Variants in MGAT4C observed in about 807,000 individuals in gnomAD.
MGAT4C encodes alpha-1,3-mannosyl-glycoprotein 4-beta-N-acetylglucosaminyltransferase C.
A neutral mutation model predicts 40.1 loss-of-function variants in MGAT4C; 19 were observed. That is an observed-to-expected ratio of 0.47 (90% confidence interval 0.33 to 0.70). MGAT4C has a LOEUF of 0.70. Among genes scored for constraint, MGAT4C ranks in the 30% least tolerant of loss-of-function variants. The pLI is 0.02. For synonymous variants in MGAT4C, 181 were observed against 187.1 expected (o/e 0.97, Z 0.27); for missense variants, 491 against 563.2 (o/e 0.87, Z 1.30).
In MGAT4C at chr12:85,991,942, T is replaced by G. The variant is rs114181027; in HGVS notation, c.-6-2390A>C. On this transcript the variant is annotated intron_variant, in intron 2 of 4. Transcript: ENST00000611864. ...CCTGATGACAATATGGCAGGGGTGG[T>G]GACCAGCGAGCCATCTTCAGAAGTG... Among the ~76,000 whole-genome samples the G allele has an allele frequency of 5.0e-3, 765 of 152,258 alleles. 8 individuals carry two copies. Among genetic ancestry groups the G allele is most frequent in the African/African-American group, 0.017 (726 of 41,558 alleles).
chr12:86,005,801 A>C (rs1167741382), intron 2 of MGAT4C, among the ~76,000 whole-genome samples: 1 of 152,196 alleles, frequency 6.6e-6, no homozygotes, highest in Admixed American at 6.5e-5. Flanking sequence ...TCCTTTCCTT[A>C]TGTAAATAAT....
intron 3 of MGAT4C, among the ~76,000 whole-genome samples, chr12:86,429,310 T>C (rs1158955624): frequency 1.3e-5 from 2 of 152,334 alleles, no homozygotes; most frequent in East Asian, 3.9e-4. Context: ...CAAACAATTG[T>C]GTTTAGAAAA....
intron 1 of MGAT4C, among the ~76,000 whole-genome samples, chr12:86,191,097 AC>A (rs1889366683): frequency 8.1e-6 from 1 of 123,354 alleles, no homozygotes; most frequent in Non-Finnish European, 1.5e-5. Flanking sequence ...ACACACACAC[AC>A]ACACACACAC....
intron 1 of MGAT4C, among the ~76,000 whole-genome samples, chr12:86,063,664 T>C (rs1438438700): frequency 2.6e-5 from 4 of 152,198 alleles, no homozygotes; most frequent in African/African-American, 9.7e-5. Context: ...CCATCTCACA[T>C]GCAAAGACAC....
intron 2 of MGAT4C, among the ~76,000 whole-genome samples, chr12:86,522,369 T>A (rs1378464106): frequency 6.6e-6 from 1 of 152,188 alleles, no homozygotes; most frequent in African/African-American, 2.4e-5. Flanking sequence ...TCATGTGATT[T>A]TGTCTTTAGT....
chr12:86,749,388 GA>G (rs1364574438), intron 1 of MGAT4C, among the ~76,000 whole-genome samples: 3 of 151,602 alleles, frequency 2.0e-5, no homozygotes, highest in Non-Finnish European at 4.4e-5. Flanking sequence ...GCATCTGTAA[GA>G]TGTCTAATGT....
intron 2 of MGAT4C, among the ~76,000 whole-genome samples, chr12:86,646,477 A>G (rs986398497): frequency 1.3e-5 from 2 of 151,950 alleles, no homozygotes; most frequent in Admixed American, 1.3e-4. Flanking sequence ...AAATCCAGAA[A>G]CACTATTATA....
At chr12:86,077,522 C>T (rs1374995310) in intron 1 of MGAT4C, among the ~76,000 whole-genome samples, 2 of 152,190 alleles carry the variant, frequency 1.3e-5, no homozygotes, top group Non-Finnish European at 2.9e-5. Context: ...TTACAGTCCT[C>T]ATTTCTGGAG....
At chr12:86,712,545 G>C (rs563190061) in intron 2 of MGAT4C, among the ~76,000 whole-genome samples, 1 of 152,226 alleles carries the variant, frequency 6.6e-6, no homozygotes, top group East Asian at 1.9e-4. Flanking sequence ...AGATCCACTT[G>C]ACAAAGCATT....
intron 1 of MGAT4C, among the ~76,000 whole-genome samples, chr12:86,210,664 T>G (rs1415443743): frequency 6.6e-6 from 1 of 152,210 alleles, no homozygotes; most frequent in East Asian, 1.9e-4. Flanking sequence ...CCTTTAAGGC[T>G]TCATTGATCT....
chr12:86,074,189 A>G (rs1869185653), intron 1 of MGAT4C, among the ~76,000 whole-genome samples: 1 of 152,126 alleles, frequency 6.6e-6, no homozygotes, highest in South Asian at 2.1e-4. Flanking sequence ...ACTTCCCACC[A>G]TGATTCTGAG....
chr12:86,697,245 C>A (rs967450729), intron 2 of MGAT4C, among the ~76,000 whole-genome samples: 10 of 152,018 alleles, frequency 6.6e-5, no homozygotes, highest in African/African-American at 2.4e-4. Flanking sequence ...TGCAATATTT[C>A]TCCCTGTTTG....
intron 1 of MGAT4C, among the ~76,000 whole-genome samples, chr12:86,213,904 T>C (rs905492845): frequency 4.6e-5 from 7 of 152,238 alleles, no homozygotes; most frequent in Non-Finnish European, 8.8e-5. Flanking sequence ...ATCACACCTT[T>C]ACTTTAAACT....
At chr12:86,102,700 T>A (rs1476946988) in intron 1 of MGAT4C, among the ~76,000 whole-genome samples, 1 of 152,122 alleles carries the variant, frequency 6.6e-6, no homozygotes, top group Admixed American at 6.6e-5. Context: ...GTGAAAGATA[T>A]CATTCTAATA....
intron 1 of MGAT4C, among the ~76,000 whole-genome samples, chr12:86,207,231 G>A (rs112980818): frequency 2.0e-5 from 3 of 151,372 alleles, no homozygotes; most frequent in Non-Finnish European, 2.9e-5. Context: ...GTGACATTTC[G>A]CATGCATCAA....
intron 1 of MGAT4C, among the ~76,000 whole-genome samples, chr12:86,076,371 C>T (rs916009297): frequency 2.0e-5 from 3 of 152,198 alleles, no homozygotes; most frequent in South Asian, 2.1e-4. Flanking sequence ...AACTTTTCCA[C>T]ATTTTCCTTT....
At position 86,408,479 on chromosome 12, in the gene MGAT4C, C is replaced by CTCTA. The variant is rs1267344319; in HGVS notation, c.-120+26677_-120+26678insTAGA. Among the ~76,000 whole-genome samples the CTCTA allele has an allele frequency of 3.7e-3, 233 of 63,302 alleles. 1 individual carries two copies. Among genetic ancestry groups the CTCTA allele is most frequent in the Middle Eastern group, 0.013 (1 of 76 alleles). 41.5% of individuals were successfully genotyped at this position (63,302 alleles called of 152,430 possible). ...TCTCTCTCTCTCTCTCTCTCTCTCT[C>CTCTA]TATATATATATATATATATATATAT... On this transcript the variant is annotated intron_variant, in intron 3 of 7. Transcript: ENST00000548651.
At chr12:86,114,351 G>A (rs1288423490) in intron 1 of MGAT4C, among the ~76,000 whole-genome samples, 1 of 151,818 alleles carries the variant, frequency 6.6e-6, no homozygotes, top group East Asian at 1.9e-4. Flanking sequence ...CTGAGTAGAG[G>A]GACTATGTTC....
intron 3 of MGAT4C, among the ~76,000 whole-genome samples, chr12:86,403,464 G>A (rs936684444): frequency 6.6e-6 from 1 of 152,160 alleles, no homozygotes; most frequent in African/African-American, 2.4e-5. Context: ...GTACTCACTA[G>A]GATTACAGAA....
Sources: allele counts gnomAD v4.1 joint callset (sites outside exome capture counted in the v4.1 genomes callset), GRCh38; gene constraint gnomAD v4.1.1; transcripts MANE v1.5; gene names NCBI Gene and HGNC (gene_info 2026-07-23, HGNC 2026-07-21).